The following EPHA6 variants were observed in gnomAD, a reference collection of about 807,000 sequenced individuals.
EPHA6 encodes the protein EPH receptor A6.
A neutral mutation model predicts 112.0 loss-of-function variants in EPHA6; 50 were observed. The ratio of observed to expected loss-of-function variants is 0.45; its 90% confidence interval spans 0.36 to 0.56. The LOEUF (loss-of-function observed/expected upper bound fraction) is 0.56. Ranked by LOEUF, EPHA6 falls within the 20% of genes least tolerant of loss-of-function variation. The probability of loss-of-function intolerance (pLI) is 0.00; values close to 1 mark genes in which losing one functional copy is unlikely to be tolerated. For missense variants in EPHA6, 1,280 were observed against 1,417.4 expected, an observed-to-expected ratio of 0.90 and a Z score of 1.56; for synonymous variants, 529 against 490.7, an observed-to-expected ratio of 1.08 and a Z score of -1.03.
intron 1 of EPHA6, among the ~76,000 whole-genome samples, chr3:96,824,101 AGTTT>A (rs1487872860): frequency 1.3e-5 from 2 of 151,812 alleles, no homozygotes; most frequent in Non-Finnish European, 3.0e-5. Context: ...ACAGCTTGCT[AGTTT>A]GTTTAATAAA....
intron 14 of EPHA6, among the ~76,000 whole-genome samples, chr3:97,710,830 A>G (rs1403368748): frequency 6.6e-6 from 1 of 152,248 alleles, no homozygotes; most frequent in African/African-American, 2.4e-5. Context: ...TATACTTTGG[A>G]GTACTATTCA....
intron 3 of EPHA6, among the ~76,000 whole-genome samples, chr3:97,085,711 T>A (rs74897055): frequency 0.027 from 4,071 of 152,106 alleles, 92 homozygotes; most frequent in South Asian, 0.099. Flanking sequence ...TTAGATTTGT[T>A]GTTGTTTCAC....
intron 5 of EPHA6, among the ~76,000 whole-genome samples, chr3:97,381,387 A>G (rs1379934859): frequency 6.6e-6 from 1 of 152,126 alleles, no homozygotes; most frequent in East Asian, 1.9e-4. Flanking sequence ...CATAGACACT[A>G]TTAGTATTTC....
intron 7 of EPHA6, chr3:97,466,580 C>T (rs772686598): frequency 3.6e-5 from 25 of 700,770 alleles, no homozygotes; most frequent in Admixed American, 1.2e-4. Context: ...CTGTTTTCTT[C>T]TCTGATGGGT....
chr3:97,020,124 T>G (rs9865867), intron 3 of EPHA6, among the ~76,000 whole-genome samples: 3,575 of 152,222 alleles, frequency 0.023, 126 homozygotes, highest in African/African-American at 0.069. Context: ...CTATTATACC[T>G]CTGTCAATAC....
chr3:97,457,601 T>G (rs1157993197), intron 7 of EPHA6, among the ~76,000 whole-genome samples: 1 of 152,162 alleles, frequency 6.6e-6, no homozygotes, highest in Non-Finnish European at 1.5e-5. Flanking sequence ...ATGGTGCCAC[T>G]CTTCAATAAA....
intron 2 of EPHA6, among the ~76,000 whole-genome samples, chr3:96,957,964 A>G (rs1473198064): frequency 6.6e-6 from 1 of 152,212 alleles, no homozygotes; most frequent in Non-Finnish European, 1.5e-5. Flanking sequence ...CATAGCAACT[A>G]GCTTAAAAGA....
At chr3:96,993,752 G>C (rs2043304073) in intron 3 of EPHA6, among the ~76,000 whole-genome samples, 1 of 152,068 alleles carries the variant, frequency 6.6e-6, no homozygotes, top group South Asian at 2.1e-4. Flanking sequence ...ATGCTGCTGA[G>C]GATGATGAAA....
intron 5 of EPHA6, among the ~76,000 whole-genome samples, chr3:97,279,861 G>T (rs1217854362): frequency 1.3e-5 from 2 of 152,000 alleles, no homozygotes; most frequent in Non-Finnish European, 2.9e-5. Context: ...ATGCTCCCTA[G>T]CATTTCTTTT....
rs376217742 is a variant in EPHA6, at chr3:97,707,286, T to C, written c.2785-12975T>C. Among the ~76,000 whole-genome samples the C allele has an allele frequency of 1.9e-3, 282 of 152,280 alleles. 1 individual carries two copies. The highest frequency in any genetic ancestry group is 6.2e-3 in the African/African-American group (258 of 41,570). On this transcript the variant is annotated intron_variant, in intron 14 of 17. Coordinates refer to ENST00000389672, the MANE Select transcript of EPHA6 (RefSeq NM_001080448.3). Reference sequence around the variant, plus strand: ...TAGCACCATACTAAATACTGTGAAGTAGCATTTAGTAAAAAGAAGAATGAA... The same window carrying C: ...TAGCACCATACTAAATACTGTGAAGCAGCATTTAGTAAAAAGAAGAATGAA...
At chr3:97,643,705 T>A (rs1038408566) in intron 14 of EPHA6, among the ~76,000 whole-genome samples, 2 of 152,056 alleles carry the variant, frequency 1.3e-5, no homozygotes, top group Admixed American at 6.5e-5. Flanking sequence ...CAATACATAA[T>A]GGTAAAGGGA....
At chr3:97,166,369 A>T (rs919376876) in intron 3 of EPHA6, among the ~76,000 whole-genome samples, 11 of 137,252 alleles carry the variant, frequency 8.0e-5, no homozygotes, top group East Asian at 6.1e-4. Flanking sequence ...CTTGTTTTTA[A>T]AAAAAAAAAA....
intron 2 of EPHA6, among the ~76,000 whole-genome samples, chr3:96,888,695 T>A (rs1293700501): frequency 1.3e-5 from 2 of 152,134 alleles, no homozygotes; most frequent in Non-Finnish European, 2.9e-5. Flanking sequence ...AACCACTTTT[T>A]CTTTCTAGGC....
intron 2 of EPHA6, among the ~76,000 whole-genome samples, chr3:96,941,302 T>C (rs2040928072): frequency 6.6e-6 from 1 of 152,128 alleles, no homozygotes; most frequent in Non-Finnish European, 1.5e-5. Context: ...TCGTTTCTTT[T>C]TATTCTTTTT....
intron 6 of EPHA6, among the ~76,000 whole-genome samples, chr3:97,448,144 C>T (rs1303124178): frequency 1.3e-5 from 2 of 152,082 alleles, no homozygotes; most frequent in Non-Finnish European, 2.9e-5. Flanking sequence ...CGGATAGCGC[C>T]GGCATTTTGG....
At chr3:97,724,978 G>C (rs1373067254) in intron 15 of EPHA6, among the ~76,000 whole-genome samples, 1 of 151,960 alleles carries the variant, frequency 6.6e-6, no homozygotes, top group East Asian at 1.9e-4. Flanking sequence ...TGCCAAGAAA[G>C]CTTGCAGGCC....
At chr3:97,157,284 G>A (rs945592453) in intron 3 of EPHA6, among the ~76,000 whole-genome samples, 1 of 151,992 alleles carries the variant, frequency 6.6e-6, no homozygotes, top group African/African-American at 2.4e-5. Context: ...TCCAAATGGT[G>A]GGAAATAGTA....
chr3:97,015,169 G>T (rs1380407286), intron 3 of EPHA6, among the ~76,000 whole-genome samples: 2 of 151,952 alleles, frequency 1.3e-5, no homozygotes, highest in African/African-American at 4.8e-5. Context: ...AGGCCTGTGT[G>T]AAAAAAGAAG....
chr3:96,917,310 A>C (rs978520505), intron 2 of EPHA6, among the ~76,000 whole-genome samples: 1 of 150,260 alleles, frequency 6.7e-6, no homozygotes, highest in Admixed American at 6.7e-5. Flanking sequence ...AGTCCCAGCT[A>C]CTCAGGAGGC....
Sources: gnomAD v4.1 joint callset for allele counts (sites outside exome capture counted in the v4.1 genomes callset) on GRCh38, gnomAD v4.1.1 for gene constraint, MANE v1.5 for transcripts, NCBI Gene and HGNC (gene_info 2026-07-23, HGNC 2026-07-21) for gene names.